Variants in LATS1 observed in about 807,000 individuals in gnomAD.
LATS1 encodes large tumor suppressor kinase 1, also known as serine/threonine-protein kinase LATS1.
In LATS1, 25 loss-of-function variants were observed where a neutral mutation model predicts 106.6. That is an observed-to-expected ratio of 0.23 (90% confidence interval 0.17 to 0.33). The LOEUF is 0.33. Ranked by LOEUF, LATS1 falls within the 10% of genes least tolerant of loss-of-function variation. The probability of loss-of-function intolerance (pLI) is 1.00; values close to 1 mark genes in which losing one functional copy is unlikely to be tolerated. For synonymous variants in LATS1, 465 were observed against 455.6 expected (o/e 1.02, Z -0.26); for missense variants, 1,040 against 1,382.6 (o/e 0.75, Z 3.93).
chr6:149,681,143 T>A (rs1406562575), intron 4 of LATS1, among the ~76,000 whole-genome samples: 2 of 152,192 alleles, frequency 1.3e-5, no homozygotes, highest in African/African-American at 4.8e-5. Context: ...ATCCTTTGGA[T>A]ACTTAGGAAT....
rs1159887356 is a variant in LATS1, at chr6:149,718,050, C to G, written c.-342G>C. Reference sequence around the variant, plus strand: ...TCCCCTTAACACCAGGCCACCGCCGCCGCCGCCGCCATTTTGCCTTCCACT... The same window carrying G: ...TCCCCTTAACACCAGGCCACCGCCGGCGCCGCCGCCATTTTGCCTTCCACT... On this transcript the variant is annotated 5_prime_UTR_variant, in exon 1 of 8. Transcript: ENST00000543571. 6.1e-6 allele frequency: 2 copies of G among 326,898 alleles called. No individual in the cohort carries two copies. Among genetic ancestry groups the G allele is most frequent in the African/African-American group, 2.3e-5 (1 of 42,590 alleles). 20.2% of individuals were successfully genotyped at this position (326,898 alleles called of 1,614,324 possible). A position where few individuals can be genotyped will look rare whatever the true frequency, so the allele number is the denominator to read the frequency against.
Position 149,690,401 on chromosome 6 carries a change from C to T in LATS1, c.496+4673G>A, listed in dbSNP as rs1288606850. Among the ~76,000 whole-genome samples, 4 of 151,546 alleles carry T rather than the reference C, an allele frequency of 2.6e-5. 1 individual carries two copies. Among genetic ancestry groups the T allele is most frequent in the South Asian group, 4.2e-4 (2 of 4,818 alleles). ...GCTAATTTGGTATTTTTATTAGACA[C>T]GGGGTTTCTCCATGTTGGTCAGGCT... On this transcript the variant is annotated intron_variant, in intron 3 of 7. Coordinates refer to ENST00000543571, the MANE Select transcript of LATS1 (RefSeq NM_004690.4).
At chr6:149,707,011 C>CTTTTTTT (rs745424840) in intron 1 of LATS1, among the ~76,000 whole-genome samples, 5 of 110,444 alleles carry the variant, frequency 4.5e-5, no homozygotes, top group African/African-American at 1.1e-4. Context: ...CTGGACATCT[C>CTTTTTTT]TTTTTTTTTT....
intron 1 of LATS1, among the ~76,000 whole-genome samples, chr6:149,707,163 G>C (rs1783829650): frequency 6.6e-6 from 1 of 151,702 alleles, no homozygotes; most frequent in African/African-American, 2.4e-5. Flanking sequence ...TCACAGGTGT[G>C]TACCACCACG....
At chr6:149,682,437 G>A (rs1403594093) in intron 4 of LATS1, among the ~76,000 whole-genome samples, 1 of 144,408 alleles carries the variant, frequency 6.9e-6, no homozygotes, top group African/African-American at 2.6e-5. Context: ...TTTTTGAGAC[G>A]GAGTCTCACT....
At chr6:149,665,081 G>T (rs538675269) in intron 7 of LATS1, among the ~76,000 whole-genome samples, 1 of 152,192 alleles carries the variant, frequency 6.6e-6, no homozygotes, top group Non-Finnish European at 1.5e-5. Context: ...GCATGGGGCT[G>T]GGTGCAGTGG....
chr6:149,696,159 G>A lies in LATS1; in HGVS notation c.349-938C>T, dbSNP rs182817195. On this transcript the variant is annotated intron_variant, in intron 2 of 7. Transcript: ENST00000543571. ...TGACCTCAGGTGATCCACCCACCTC[G>A]GCCTCCCAAAGTGCTGGGATTACAG... Among the ~76,000 whole-genome samples, 540 of 148,432 alleles carry A rather than the reference G, an allele frequency of 3.6e-3. 8 individuals carry two copies. The highest frequency in any genetic ancestry group is 3.5e-3 in the Middle Eastern group (1 of 286).
At chr6:149,671,118 GTT>G (rs1010499372) in intron 7 of LATS1, among the ~76,000 whole-genome samples, 6 of 123,266 alleles carry the variant, frequency 4.9e-5, no homozygotes, top group Admixed American at 4.7e-4. Context: ...AGGTTCAGTT[GTT>G]TTTTTGTTTG....
intron 5 of LATS1, among the ~76,000 whole-genome samples, chr6:149,678,792 T>G (rs1433626890): frequency 6.6e-6 from 1 of 152,182 alleles, no homozygotes; most frequent in African/African-American, 2.4e-5. Context: ...TTACACTTGA[T>G]TTCTGTCTGA....
chr6:149,696,746 T>C (rs1386366749), intron 2 of LATS1, among the ~76,000 whole-genome samples: 3 of 151,942 alleles, frequency 2.0e-5, no homozygotes, highest in African/African-American at 7.3e-5. Context: ...TATATATGAT[T>C]ATGTGATAAA....
rs1783475701 is a variant in LATS1 at position 149,701,770 on chromosome 6, C to T, written c.348+9G>A. ...AAGAATCCTTTCTTTTGTCTTTAAA[C>T]ATTCTTACCTCATCAAATCCAGCAG... On this transcript the variant is annotated intron_variant, in intron 2 of 7. Coordinates refer to ENST00000543571, the MANE Select transcript of LATS1 (RefSeq NM_004690.4). 6.3e-7 allele frequency: 1 copy of T among 1,586,158 alleles called. No homozygotes were observed. Among genetic ancestry groups the T allele is most frequent in the African/African-American group, 1.4e-5 (1 of 73,970 alleles).
rs376892778 is a variant in LATS1 at position 149,683,919 on chromosome 6, T to C, written c.1170A>G (p.Gln390=). 1 of 1,614,246 alleles carries C rather than the reference T, an allele frequency of 6.2e-7. No individual in the cohort carries two copies. Residue 390 remains glutamine, a synonymous_variant, in exon 4 of 8, where the codon CAA becomes CAG. Transcript: ENST00000543571. The part of the protein sequence containing the change: ...AANGQSPSAL[Q]TGGSAAPSSY... ...ACGAAGGAGCAGCAGATCCCCCTGTTTGTAAAGCAGAAGGGCTTTGTCCAT... is the reference window on the plus strand; with the variant it reads ...ACGAAGGAGCAGCAGATCCCCCTGTCTGTAAAGCAGAAGGGCTTTGTCCAT...
intron 2 of LATS1, 29 bp downstream of exon 2, chr6:149,701,750 T>A (rs900155586): frequency 6.6e-7 from 1 of 1,517,832 alleles, no homozygotes; most frequent in East Asian, 2.3e-5. Flanking sequence ...GTAAGAAGAA[T>A]CCTTTCTTTT....
At chr6:149,664,852 GCTCCATTTTTTTGT>G (rs1191869740) in intron 7 of LATS1, among the ~76,000 whole-genome samples, 1 of 152,142 alleles carries the variant, frequency 6.6e-6, no homozygotes, top group Non-Finnish European at 1.5e-5. Flanking sequence ...AGCACACCCA[GCTCCATTTTTTTGT>G]CTCTAGTAGT....
At chr6:149,685,208 A>G (rs1782302507) in intron 3 of LATS1, among the ~76,000 whole-genome samples, 1 of 151,950 alleles carries the variant, frequency 6.6e-6, no homozygotes, top group Non-Finnish European at 1.5e-5. Context: ...ACTGCACTCC[A>G]GCCTGGGTGA....
chr6:149,690,685 T>C (rs1051077249), intron 3 of LATS1, among the ~76,000 whole-genome samples: 1 of 152,044 alleles, frequency 6.6e-6, no homozygotes, highest in Non-Finnish European at 1.5e-5. Context: ...TAGGTGGGAC[T>C]ACAGGCACAT....
At chr6:149,697,580 C>A (rs757678989) in intron 2 of LATS1, among the ~76,000 whole-genome samples, 4 of 152,100 alleles carry the variant, frequency 2.6e-5, no homozygotes, top group Non-Finnish European at 4.4e-5. Flanking sequence ...ATAGAAATCA[C>A]CCATTAAAAT....
chr6:149,710,967 C>G (rs777771162), intron 1 of LATS1, among the ~76,000 whole-genome samples: 71 of 152,182 alleles, frequency 4.7e-4, no homozygotes, highest in Non-Finnish European at 9.0e-4. Context: ...ACCTAGACCC[C>G]TAGAGGCAGG....
Position 149,680,015 on chromosome 6 carries a change from C to T in LATS1, c.2453G>A (p.Ser818Asn). The T allele has an allele frequency of 6.2e-7, 1 of 1,614,100 alleles. No individual in the cohort carries two copies. Among genetic ancestry groups the T allele is most frequent in the Non-Finnish European group, 8.5e-7 (1 of 1,180,006 alleles). The change falls in exon 5 of 8, where the codon AGT becomes AAT. Residue 818 changes from serine to asparagine, a missense_variant. Physicochemically the swap from Ser to Asn is conservative, Grantham distance 46. Around this residue, in one of 7 missense-constraint regions of LATS1, gnomAD observed 167 missense variants for 332.1 expected, o/e 0.50. Coordinates refer to ENST00000543571, the MANE Select transcript of LATS1 (RefSeq NM_004690.4). ...ATGAATAAAACCCATTTTATGAACA[C>T]TTTCAACTGCACAGGTAAGTTCTGC... ...YIAELTCAVESVHKMGFIHRD... is the reference protein window; with the variant it reads ...YIAELTCAVENVHKMGFIHRD...
Sources: allele counts gnomAD v4.1 joint callset (sites outside exome capture counted in the v4.1 genomes callset), GRCh38; gene constraint gnomAD v4.1.1; regional missense constraint gnomAD v4.1.1; transcripts MANE v1.5; gene names NCBI Gene and HGNC (gene_info 2026-07-23, HGNC 2026-07-21).